Variants in ANKRD30B observed in about 807,000 individuals in gnomAD.
ANKRD30B encodes the protein ankyrin repeat domain 30B.
ANKRD30B carries 144 observed loss-of-function variants against 202.2 expected under a neutral mutation model. The ratio of observed to expected loss-of-function variants is 0.71; its 90% CI spans 0.62 to 0.82. ANKRD30B has a LOEUF of 0.82. ANKRD30B is among the 40% of genes least tolerant of loss of function. The pLI is 0.00. For missense variants in ANKRD30B, 1,487 were observed against 1,669.1 expected (o/e 0.89, Z 1.90); for synonymous variants, 508 against 561.3 (o/e 0.91, Z 1.34).
chr18:14,917,704 G>A, the ANKRD30B span, among the ~76,000 whole-genome samples: 1 of 152,224 alleles, frequency 6.6e-6, no homozygotes, highest in African/African-American at 2.4e-5. Flanking sequence ...TGTAACTAAT[G>A]TTCCTCAGGG....
At chr18:14,919,714 C>T in the ANKRD30B span, among the ~76,000 whole-genome samples, 1 of 152,198 alleles carries the variant, frequency 6.6e-6, no homozygotes, top group Admixed American at 6.5e-5. Context: ...TCAGGAAAAA[C>T]TCTTAGTTAT....
At chr18:14,822,797 C>G (rs1443453614) in intron 32 of ANKRD30B, 120 bp downstream of exon 32, 1 of 1,288,698 alleles carries the variant, frequency 7.8e-7, no homozygotes, top group Non-Finnish European at 1.0e-6. Flanking sequence ...AAATTTGACA[C>G]AAATAATGCC....
intron 10 of ANKRD30B, 144 bp downstream of exon 10, chr18:14,778,219 C>T (rs1967504429): frequency 8.0e-6 from 5 of 626,222 alleles, no homozygotes; most frequent in South Asian, 3.9e-5. Context: ...TATGTGTCTT[C>T]TCAGGTGTTG....
chr18:14,785,525 G>A (rs553633530), intron 14 of ANKRD30B, among the ~76,000 whole-genome samples: 1 of 152,248 alleles, frequency 6.6e-6, no homozygotes, highest in African/African-American at 2.4e-5. Context: ...TAATTTTTTA[G>A]TTATTAGAAA....
chr18:14,907,905 C>T, the ANKRD30B span, among the ~76,000 whole-genome samples: 1 of 117,370 alleles, frequency 8.5e-6, no homozygotes, highest in Non-Finnish European at 1.9e-5. Flanking sequence ...TGCCTAGACT[C>T]CTTTGTAGAA....
At chr18:14,868,229 C>T in the ANKRD30B span, among the ~76,000 whole-genome samples, 2 of 152,274 alleles carry the variant, frequency 1.3e-5, no homozygotes, top group African/African-American at 4.8e-5. Context: ...GGGCCTGGCC[C>T]AGCCTGGGAT....
chr18:14,831,731 T>C (rs1298217908), intron 34 of ANKRD30B, among the ~76,000 whole-genome samples: 2 of 152,110 alleles, frequency 1.3e-5, no homozygotes, highest in Admixed American at 6.6e-5. Context: ...TAGAAATACA[T>C]AGTGACAGGA....
intron 9 of ANKRD30B, 112 bp downstream of exon 9, chr18:14,772,340 C>A: frequency 1.7e-6 from 1 of 575,228 alleles, no homozygotes; most frequent in South Asian, 6.7e-5. Context: ...TAAAGTTGGT[C>A]AGATAAAAAC....
intron 7 of ANKRD30B, among the ~76,000 whole-genome samples, chr18:14,766,492 A>G (rs1489757973): frequency 2.0e-5 from 3 of 147,704 alleles, no homozygotes; most frequent in African/African-American, 7.6e-5. Context: ...AAAAAAAAAA[A>G]AAAAAGAAAA....
At chr18:14,766,254 T>C (rs1916117007) in intron 7 of ANKRD30B, among the ~76,000 whole-genome samples, 1 of 151,234 alleles carries the variant, frequency 6.6e-6, no homozygotes, top group Admixed American at 6.6e-5. Context: ...GGGCAGATCA[T>C]GAGGTCAGGA....
chr18:14,872,474 A>G, the ANKRD30B span, among the ~76,000 whole-genome samples: 1 of 152,174 alleles, frequency 6.6e-6, no homozygotes, highest in Non-Finnish European at 1.5e-5. Context: ...CAACTTATCC[A>G]TTTAACAATT....
the ANKRD30B span, among the ~76,000 whole-genome samples, chr18:14,866,365 T>G: frequency 1.3e-5 from 2 of 150,174 alleles, no homozygotes; most frequent in East Asian, 3.9e-4. Context: ...GTGGCCTGAG[T>G]GGTAGGAGGG....
In ANKRD30B at chr18:14,844,571, T is replaced by G. The variant is rs1010787232; in HGVS notation, c.3181+1475T>G. Reference sequence around the variant, plus strand: ...GTGTGCGTGTGTCTTTATAGTAGCATGATTTATAATCCTTAGGGTATATAT... The same window carrying G: ...GTGTGCGTGTGTCTTTATAGTAGCAGGATTTATAATCCTTAGGGTATATAT... On this transcript the variant is annotated intron_variant, in intron 39 of 43. Coordinates refer to ENST00000690538, the MANE Select transcript of ANKRD30B (RefSeq NM_001367607.2). Among the ~76,000 whole-genome samples, 28 of 152,258 alleles carry G rather than the reference T, an allele frequency of 1.8e-4. 1 individual carries two copies. The highest frequency in any genetic ancestry group is 6.0e-4 in the African/African-American group (25 of 41,474).
chr18:14,933,524 G>C, the ANKRD30B span, among the ~76,000 whole-genome samples: 1 of 152,144 alleles, frequency 6.6e-6, no homozygotes, highest in African/African-American at 2.4e-5. Context: ...GGACTGGGTG[G>C]GAGCTGCATG....
At chr18:14,828,887 A>G (rs1285599572) in intron 33 of ANKRD30B, among the ~76,000 whole-genome samples, 1 of 152,228 alleles carries the variant, frequency 6.6e-6, no homozygotes, top group African/African-American at 2.4e-5. Flanking sequence ...TAAATCCTAT[A>G]GATGGATTAT....
intron 3 of ANKRD30B, among the ~76,000 whole-genome samples, chr18:14,753,569 G>A (rs1422204076): frequency 2.0e-5 from 3 of 152,040 alleles, no homozygotes; most frequent in Non-Finnish European, 4.4e-5. Context: ...GTATATTTTG[G>A]TAAAGGTTTC....
chr18:14,770,000 A>G (rs1916867311), intron 8 of ANKRD30B, among the ~76,000 whole-genome samples: 1 of 152,190 alleles, frequency 6.6e-6, no homozygotes, highest in Non-Finnish European at 1.5e-5. Flanking sequence ...TGTTATGTTA[A>G]TCATATTTAG....
At chr18:14,774,519 C>G (rs972479638) in intron 9 of ANKRD30B, among the ~76,000 whole-genome samples, 3 of 152,032 alleles carry the variant, frequency 2.0e-5, no homozygotes, top group African/African-American at 7.2e-5. Flanking sequence ...AATCATTGCC[C>G]TCTCCATGAT....
At chr18:14,842,504 T>C in intron 37 of ANKRD30B, among the ~76,000 whole-genome samples, 1 of 152,194 alleles carries the variant, frequency 6.6e-6, no homozygotes, top group East Asian at 1.9e-4. Flanking sequence ...TATAAATTAT[T>C]CCAGTGTATT....
Sources: allele counts gnomAD v4.1 joint callset (sites outside exome capture counted in the v4.1 genomes callset), GRCh38; gene constraint gnomAD v4.1.1; transcripts MANE v1.5; gene names NCBI Gene and HGNC (gene_info 2026-07-23, HGNC 2026-07-21).